The following DLG2 variants were observed in gnomAD, a reference collection of about 807,000 sequenced individuals.
The protein encoded by DLG2 is discs large MAGUK scaffold protein 2, also known as disks large homolog 2.
Under a neutral mutation model 132.5 loss-of-function variants are expected in DLG2, and 45 were observed. The ratio of observed to expected loss-of-function variants is 0.34; its 90% CI spans 0.27 to 0.44. DLG2 has a LOEUF of 0.44. Ranked by LOEUF, DLG2 falls within the 20% of genes least tolerant of loss-of-function variation. DLG2 has a pLI of 1.00. For synonymous variants in DLG2, 424 were observed against 419.6 expected (o/e 1.01, Z -0.13); for missense variants, 1,045 against 1,196.9 (o/e 0.87, Z 1.87).
rs1200949189 is a variant in DLG2 at position 84,243,056 on chromosome 11, G to T, written c.573+8182C>A. 2.2e-5 allele frequency among the ~76,000 whole-genome samples: 3 copies of T among 139,230 alleles called. No homozygotes were observed. In the East Asian group the frequency reaches 6.4e-4, roughly 30 times the overall value. 91.3% of individuals were successfully genotyped at this position (139,230 alleles called of 152,430 possible). ...ATATATATACACTCTCACATATAAA[G>T]AACCTAGAGTATAATCATTTCTTGA... On this transcript the variant is annotated intron_variant, in intron 8 of 27. Coordinates refer to ENST00000376104, the MANE Select transcript of DLG2 (RefSeq NM_001142699.3).
chr11:85,088,344 G>A (rs924677098), intron 6 of DLG2, among the ~76,000 whole-genome samples: 1 of 152,184 alleles, frequency 6.6e-6, no homozygotes, highest in African/African-American at 2.4e-5. Context: ...CAAATTTCAT[G>A]CATTTTTATT....
At chr11:84,916,515 A>G (rs908285800) in intron 6 of DLG2, among the ~76,000 whole-genome samples, 14 of 152,102 alleles carry the variant, frequency 9.2e-5, no homozygotes, top group Non-Finnish European at 2.1e-4. Flanking sequence ...TAGATATCAA[A>G]AATTATAATT....
At chr11:84,228,545 A>T (rs1217671526) in intron 8 of DLG2, among the ~76,000 whole-genome samples, 1 of 152,202 alleles carries the variant, frequency 6.6e-6, no homozygotes, top group Non-Finnish European at 1.5e-5. Context: ...TAAGAAATGA[A>T]GCCCACATAT....
At position 85,538,918 on chromosome 11, in the gene DLG2, G is replaced by A. The variant is rs138623490; in HGVS notation, c.40+59739C>T. 4.1e-3 allele frequency among the ~76,000 whole-genome samples: 618 copies of A among 151,886 alleles called. 21 individuals are homozygous for A. The highest frequency in any genetic ancestry group is 0.013 in the African/African-American group (539 of 41,220). On this transcript the variant is annotated intron_variant, in intron 3 of 27. Coordinates refer to ENST00000376104, the MANE Select transcript of DLG2 (RefSeq NM_001142699.3). ...TTAATACCTAGGTGATGGGTTGATA[G>A]GTGCAGCAAAACACCATGGCACATA...
intron 7 of DLG2, among the ~76,000 whole-genome samples, chr11:84,274,259 G>A (rs144473763): frequency 6.6e-6 from 1 of 152,120 alleles, no homozygotes; most frequent in Non-Finnish European, 1.5e-5. Context: ...GAAGGTGCTA[G>A]GAGGTAAGGC....
At chr11:84,951,808 G>T (rs1201344011) in intron 6 of DLG2, among the ~76,000 whole-genome samples, 1 of 151,748 alleles carries the variant, frequency 6.6e-6, no homozygotes, top group Admixed American at 6.6e-5. Flanking sequence ...TCATTTTAAA[G>T]AATGTATAAA....
chr11:84,248,622 G>A (rs751432340), intron 8 of DLG2, among the ~76,000 whole-genome samples: 6 of 152,110 alleles, frequency 3.9e-5, no homozygotes, highest in African/African-American at 9.7e-5. Context: ...TTGGGAGGCC[G>A]AGGTGGGCAG....
intron 2 of DLG2, among the ~76,000 whole-genome samples, chr11:85,624,180 G>A (rs2081914370): frequency 6.6e-6 from 1 of 152,164 alleles, no homozygotes; most frequent in Admixed American, 6.5e-5. Flanking sequence ...AAGCAAACGA[G>A]CAGTTAATAT....
At chr11:83,915,746 C>T (rs965444438) in intron 15 of DLG2, among the ~76,000 whole-genome samples, 3 of 152,228 alleles carry the variant, frequency 2.0e-5, no homozygotes, top group African/African-American at 4.8e-5. Context: ...AATTTACCTA[C>T]AGTAAAATCA....
At chr11:83,869,423 C>T (rs1334098636) in intron 16 of DLG2, among the ~76,000 whole-genome samples, 3 of 152,224 alleles carry the variant, frequency 2.0e-5, no homozygotes, top group African/African-American at 7.2e-5. Flanking sequence ...AGCTCAGGCT[C>T]AGAACACCAG....
At chr11:83,652,519 C>G (rs7125421) in intron 18 of DLG2, among the ~76,000 whole-genome samples, 1 of 151,932 alleles carries the variant, frequency 6.6e-6, no homozygotes, top group East Asian at 1.9e-4. Context: ...TACAGGCGTG[C>G]ACCACCACAC....
intron 4 of DLG2, among the ~76,000 whole-genome samples, chr11:85,220,651 T>A (rs2074578885): frequency 6.6e-6 from 1 of 150,566 alleles, no homozygotes; most frequent in Non-Finnish European, 1.5e-5. Flanking sequence ...TATATATATA[T>A]ATAACTTTAT....
At chr11:84,441,854 A>G (rs531699661) in intron 7 of DLG2, among the ~76,000 whole-genome samples, 4 of 152,162 alleles carry the variant, frequency 2.6e-5, no homozygotes, top group East Asian at 1.9e-4. Context: ...AGTTTTCCCA[A>G]CACCATTTAT....
intron 7 of DLG2, among the ~76,000 whole-genome samples, chr11:84,322,529 TC>T (rs1242001213): frequency 1.3e-5 from 2 of 151,948 alleles, no homozygotes; most frequent in African/African-American, 4.8e-5. Flanking sequence ...ATGAAGAGAA[TC>T]CTAAACTCCA....
At chr11:84,653,786 G>T (rs1237436550) in intron 6 of DLG2, among the ~76,000 whole-genome samples, 29 of 152,162 alleles carry the variant, frequency 1.9e-4, no homozygotes, top group Admixed American at 1.8e-3. Flanking sequence ...TCAGTGTCAG[G>T]CATTCTCTTG....
At chr11:83,626,422 G>A (rs2062540603) in intron 19 of DLG2, among the ~76,000 whole-genome samples, 1 of 152,070 alleles carries the variant, frequency 6.6e-6, no homozygotes, top group African/African-American at 2.4e-5. Context: ...CTACAGACTG[G>A]TACATTGCAG....
At chr11:84,896,778 A>G (rs2154067782) in intron 6 of DLG2, among the ~76,000 whole-genome samples, 1 of 152,078 alleles carries the variant, frequency 6.6e-6, no homozygotes, top group Non-Finnish European at 1.5e-5. Flanking sequence ...AGGGTATATT[A>G]TTATAATTGT....
chr11:83,491,240 TAAG>T (rs776055923), intron 21 of DLG2, among the ~76,000 whole-genome samples: 2 of 149,902 alleles, frequency 1.3e-5, no homozygotes, highest in African/African-American at 2.5e-5. Context: ...TACCTAGAAA[TAAG>T]AAAAAGAAGC....
chr11:85,260,136 TA>T (rs1179035527), intron 4 of DLG2, among the ~76,000 whole-genome samples: 1 of 152,100 alleles, frequency 6.6e-6, no homozygotes, highest in Admixed American at 6.6e-5. Context: ...GCATTATTTG[TA>T]AAAAGGGGGA....
Sources: gnomAD v4.1 joint callset for allele counts (sites outside exome capture counted in the v4.1 genomes callset) on GRCh38, gnomAD v4.1.1 for gene constraint, MANE v1.5 for transcripts, NCBI Gene and HGNC (gene_info 2026-07-23, HGNC 2026-07-21) for gene names.